The following KCNMA1 variants were observed in gnomAD, a reference collection of about 807,000 sequenced individuals.
KCNMA1 encodes Calcium-activated potassium channel subunit alpha-1.
Under a neutral mutation model 140.0 loss-of-function variants are expected in KCNMA1, and 29 were observed. That is an observed-to-expected ratio of 0.21 (90% CI 0.15 to 0.28). The LOEUF (loss-of-function observed/expected upper bound fraction) is 0.28, where lower values mean the gene tolerates loss of function less well. Among genes scored for constraint, KCNMA1 ranks in the 10% least tolerant of loss-of-function variants. The pLI is 1.00. For missense variants in KCNMA1, 880 were observed against 1,602.2 expected (o/e 0.55, Z 7.70); for synonymous variants, 612 against 611.9 (o/e 1.00, Z 0.00).
rs12775205 is a variant in KCNMA1, at chr10:76,941,102, G to T, written c.2902+3671C>A. On this transcript the variant is annotated intron_variant, in intron 23 of 27. Transcript: ENST00000286628. ...GAAAGAAAGAGAAAGAAAGAAAGAA[G>T]GGAGGGAGGGAGGGAGGGAAGGGAA... is the stretch of plus-strand genomic sequence containing the variant. Among the ~76,000 whole-genome samples the T allele has an allele frequency of 9.8e-4, 65 of 66,126 alleles. 1 individual carries two copies. The highest frequency in any genetic ancestry group is 3.6e-3 in the African/African-American group (57 of 16,016). The allele number at this position is 66,126 out of a possible 152,430, so 43.4% of individuals were successfully genotyped here.
intron 5 of KCNMA1, among the ~76,000 whole-genome samples, chr10:77,173,209 G>A (rs2098723680): frequency 6.6e-6 from 1 of 152,152 alleles, no homozygotes; most frequent in South Asian, 2.1e-4. Flanking sequence ...GAGGGGACTG[G>A]TGAACATGGG....
chr10:77,233,321 C>A (rs150971758), intron 3 of KCNMA1, among the ~76,000 whole-genome samples: 3 of 152,074 alleles, frequency 2.0e-5, no homozygotes, highest in Non-Finnish European at 4.4e-5. Flanking sequence ...ATTCTCTATC[C>A]CAAGGATTCT....
At chr10:76,970,117 G>A in intron 19 of KCNMA1, 50 bp from the exon 20 acceptor site, 2 of 1,401,706 alleles carry the variant, frequency 1.4e-6, no homozygotes, top group South Asian at 2.3e-5. Flanking sequence ...AGGGCAGACT[G>A]TGCAATACAG....
chr10:77,158,339 C>A (rs2098513161), intron 5 of KCNMA1, among the ~76,000 whole-genome samples: 1 of 152,124 alleles, frequency 6.6e-6, no homozygotes, highest in African/African-American at 2.4e-5. Context: ...AAGGCAAGAG[C>A]TCATCTCCTT....
chr10:77,198,208 G>C (rs1226681881), intron 3 of KCNMA1, among the ~76,000 whole-genome samples: 2 of 152,082 alleles, frequency 1.3e-5, no homozygotes, highest in Non-Finnish European at 1.5e-5. Context: ...TAGAAGCAGA[G>C]CTGAAGCGGG....
chr10:77,450,082 C>T (rs1413179075), intron 1 of KCNMA1, among the ~76,000 whole-genome samples: 1 of 152,106 alleles, frequency 6.6e-6, no homozygotes, highest in Non-Finnish European at 1.5e-5. Flanking sequence ...CTTTATTATT[C>T]ATTTATTTAT....
In KCNMA1 at chr10:77,236,039, A is replaced by G. The variant is rs1280369689; in HGVS notation, c.602+15156T>C. 3.9e-5 allele frequency among the ~76,000 whole-genome samples: 6 copies of G among 152,162 alleles called. No homozygotes were observed. The East Asian group carries it at 5.8e-4, about 15-fold the overall frequency. ...ATTTATGATGGAGGCTTTGGGTTAC[A>G]TGGTATCCATCCACCTCCAGGGGAG... On this transcript the variant is annotated intron_variant, in intron 3 of 27. Coordinates refer to ENST00000286628, the MANE Select transcript of KCNMA1 (RefSeq NM_001161352.2).
At chr10:77,586,229 A>G (rs988741385) in intron 1 of KCNMA1, 84 of 152,352 alleles carry the variant, frequency 5.5e-4, no homozygotes, top group African/African-American at 2.0e-3. Flanking sequence ...GTTGTAACAC[A>G]GGATCACATG....
rs2065095513 is a variant in KCNMA1 at position 77,271,401 on chromosome 10, T to C, written c.541-20145A>G. ...ACACTTAGAAGTGTCCTGAGTGACA[T>C]GGGTGCTCTCTCGTCTCACAAAAAA... is the stretch of plus-strand genomic sequence containing the variant. On this transcript the variant is annotated intron_variant, in intron 2 of 27. Coordinates refer to ENST00000286628, the MANE Select transcript of KCNMA1 (RefSeq NM_001161352.2). 2.6e-5 allele frequency among the ~76,000 whole-genome samples: 4 copies of C among 152,260 alleles called. No homozygotes were observed. The South Asian group carries it at 8.3e-4, about 32-fold the overall frequency.
chr10:77,153,382 T>C (rs1397569574), intron 5 of KCNMA1, among the ~76,000 whole-genome samples: 1 of 152,192 alleles, frequency 6.6e-6, no homozygotes, highest in East Asian at 1.9e-4. Flanking sequence ...TTTTTCTTTT[T>C]GTTTTTTGAG....
Position 77,559,151 on chromosome 10 carries a change from TG to T in KCNMA1, c.378+78113del, listed in dbSNP as rs1278473715. On this transcript the variant is annotated intron_variant, in intron 1 of 27. Coordinates refer to ENST00000286628, the MANE Select transcript of KCNMA1 (RefSeq NM_001161352.2). The stretch of plus-strand genomic sequence containing the variant: ...AGGTGAGGTCTAATGGTGGCCTCTT[TG>T]GGACAACCTTAGGGCAATGGGGCAT... 2.0e-5 allele frequency among the ~76,000 whole-genome samples: 3 copies of T among 152,326 alleles called. No homozygotes were observed. In the East Asian group the frequency reaches 5.8e-4, roughly 29 times the overall value.
chr10:76,969,352 C>T (rs2075319192), intron 20 of KCNMA1, among the ~76,000 whole-genome samples: 1 of 99,132 alleles, frequency 1.0e-5, no homozygotes, highest in Non-Finnish European at 2.1e-5. Context: ...GGAACATGTA[C>T]ATGCATGCTG....
chr10:77,402,237 A>C (rs948041718), intron 2 of KCNMA1, among the ~76,000 whole-genome samples: 4 of 152,204 alleles, frequency 2.6e-5, no homozygotes, highest in Non-Finnish European at 5.9e-5. Flanking sequence ...AGAGCAATGG[A>C]GACTTCAGTC....
intron 3 of KCNMA1, among the ~76,000 whole-genome samples, chr10:77,190,850 C>G (rs2098932967): frequency 6.6e-6 from 1 of 152,088 alleles, no homozygotes; most frequent in South Asian, 2.1e-4. Context: ...AGTTATCCAA[C>G]TGATTAAAGA....
At chr10:77,223,670 C>A (rs570951792) in intron 3 of KCNMA1, among the ~76,000 whole-genome samples, 1 of 152,112 alleles carries the variant, frequency 6.6e-6, no homozygotes, top group East Asian at 1.9e-4. Flanking sequence ...GATTGGCATG[C>A]CTTTTTTCCT....
In KCNMA1 at chr10:76,884,949, C is replaced by T; in HGVS notation, c.*2317G>A. 1 of 1,529,108 alleles carries T rather than the reference C, an allele frequency of 6.5e-7. No homozygotes were observed. The highest frequency in any genetic ancestry group is 8.8e-7 in the Non-Finnish European group (1 of 1,138,182). 94.7% of individuals were successfully genotyped at this position (1,529,108 alleles called of 1,614,324 possible). On this transcript the variant is annotated 3_prime_UTR_variant, in exon 28 of 28. Coordinates refer to ENST00000286628, the MANE Select transcript of KCNMA1 (RefSeq NM_001161352.2). ...GGACAACGTTATAGAAGAAAACCCC[C>T]AGCAGTGGCTAGGTCATGCAGAACC...
At chr10:76,897,875 T>C (rs1274638137) in intron 25 of KCNMA1, among the ~76,000 whole-genome samples, 1 of 151,934 alleles carries the variant, frequency 6.6e-6, no homozygotes, top group Non-Finnish European at 1.5e-5. Flanking sequence ...CCTGATCTTA[T>C]ACAAGGAGGA....
In KCNMA1 at chr10:76,960,612, GGTTTT is replaced by G. The variant is rs1184192348; in HGVS notation, c.2361-6693_2361-6689del. 3.6e-3 allele frequency among the ~76,000 whole-genome samples: 439 copies of G among 123,282 alleles called. 6 individuals are homozygous for G. The highest frequency in any genetic ancestry group is 5.8e-3 in the Non-Finnish European group (347 of 60,254). The allele number at this position is 123,282 out of a possible 152,430, so 80.9% of individuals were successfully genotyped here. A position where few individuals can be genotyped will look rare whatever the true frequency, so the allele number is the denominator to read the frequency against. On this transcript the variant is annotated intron_variant, in intron 20 of 27. Coordinates refer to ENST00000286628, the MANE Select transcript of KCNMA1 (RefSeq NM_001161352.2). The stretch of plus-strand genomic sequence containing the variant: ...CTGTATTGCACTTTGCAGATATTAT[GGTTTT>G]GTTTTTTTTTTTTTTTTTTTTTTTT...
intron 5 of KCNMA1, among the ~76,000 whole-genome samples, chr10:77,157,454 ATTTGC>A (rs752548373): frequency 7.2e-4 from 79 of 109,440 alleles, no homozygotes; most frequent in Non-Finnish European, 1.2e-3. Context: ...GTTTTATGAT[ATTTGC>A]TTTGGTTTGT....
Sources: allele counts gnomAD v4.1 joint callset (sites outside exome capture counted in the v4.1 genomes callset), GRCh38; gene constraint gnomAD v4.1.1; transcripts MANE v1.5; gene names NCBI Gene and HGNC (gene_info 2026-07-23, HGNC 2026-07-21).